Variants in STXBP5L observed in about 807,000 individuals in gnomAD.
The protein encoded by STXBP5L is syntaxin binding protein 5L.
In STXBP5L, 65 loss-of-function variants were observed where a neutral mutation model predicts 144.5. That is an observed-to-expected ratio of 0.45 (90% CI 0.37 to 0.55). STXBP5L has a LOEUF of 0.55. STXBP5L is among the 20% of genes least tolerant of loss of function. The pLI, the probability that STXBP5L is intolerant of heterozygous loss-of-function variation, is 0.00. For missense variants in STXBP5L, 1,298 were observed against 1,405.5 expected (o/e 0.92, Z 1.22); for synonymous variants, 505 against 469.6 (o/e 1.08, Z -0.97).
At position 121,259,050 on chromosome 3, in the gene STXBP5L, A is replaced by G. The variant is rs776597486; in HGVS notation, c.1840A>G (p.Thr614Ala). 4.4e-6 allele frequency: 7 copies of G among 1,597,276 alleles called. No individual in the cohort carries two copies. The highest frequency in any genetic ancestry group is 6.0e-6 in the Non-Finnish European group (7 of 1,170,550). ...TTGTTTTTGTTCTTAAAGTGTGAAGACACGGCCAGTGCGAATGCCTCCAGG... is the reference window on the plus strand; with the variant it reads ...TTGTTTTTGTTCTTAAAGTGTGAAGGCACGGCCAGTGCGAATGCCTCCAGG... ...KDSIPCLNVK[T>A]RPVRMPPGYQ... Residue 614 changes from threonine (T) to alanine (A), a missense_variant, in exon 18 of 27, where the codon ACA becomes GCA. Coordinates refer to ENST00000471454, the MANE Select transcript of STXBP5L (RefSeq NM_001308330.2).
chr3:121,191,135 G>A (rs2047660450), intron 9 of STXBP5L, among the ~76,000 whole-genome samples: 1 of 152,182 alleles, frequency 6.6e-6, no homozygotes, highest in Admixed American at 6.5e-5. Flanking sequence ...TTCTAGACAG[G>A]GTGGCGGCCG....
At chr3:121,210,623 G>A (rs1224542343) in intron 10 of STXBP5L, among the ~76,000 whole-genome samples, 1 of 152,118 alleles carries the variant, frequency 6.6e-6, no homozygotes, top group Non-Finnish European at 1.5e-5. Context: ...TGTGAGTAAG[G>A]GATCCAGTTT....
At chr3:120,975,103 G>A (rs1940795415) in intron 3 of STXBP5L, among the ~76,000 whole-genome samples, 1 of 152,148 alleles carries the variant, frequency 6.6e-6, no homozygotes, top group Non-Finnish European at 1.5e-5. Flanking sequence ...GTTTGATGGG[G>A]ATGGCATTGA....
At chr3:121,286,165 T>A (rs73855361) in intron 19 of STXBP5L, among the ~76,000 whole-genome samples, 2,911 of 152,110 alleles carry the variant, frequency 0.019, 100 homozygotes, top group African/African-American at 0.067. Flanking sequence ...CTTTGGAGAG[T>A]CCCAGGCCTA....
chr3:120,984,028 C>G (rs1325233485), intron 3 of STXBP5L, among the ~76,000 whole-genome samples: 1 of 152,148 alleles, frequency 6.6e-6, no homozygotes, highest in South Asian at 2.1e-4. Flanking sequence ...TTGCTGTGAT[C>G]AGCATCCTGC....
intron 2 of STXBP5L, among the ~76,000 whole-genome samples, chr3:120,954,445 T>A (rs191407580): frequency 1.3e-5 from 2 of 152,260 alleles, no homozygotes; most frequent in Admixed American, 1.3e-4. Flanking sequence ...TAGCATAGTT[T>A]TTTTTGAGAA....
rs184941914 is a variant in STXBP5L, at chr3:121,033,627, A to G, written c.288-8073A>G. Among the ~76,000 whole-genome samples, 127 of 151,536 alleles carry G rather than the reference A, an allele frequency of 8.4e-4. 1 individual carries two copies. The highest frequency in any genetic ancestry group is 1.5e-3 in the Non-Finnish European group (102 of 67,850). On this transcript the variant is annotated intron_variant, in intron 3 of 26. Transcript: ENST00000471454. Reference sequence around the variant, plus strand: ...AAATAAATAAATTCGTGTGTTTTTTATGGTATATTTACCCACTTGGTGTTA... The same window carrying G: ...AAATAAATAAATTCGTGTGTTTTTTGTGGTATATTTACCCACTTGGTGTTA...
rs2046162681 is a variant in STXBP5L at position 121,157,533 on chromosome 3, G to A, written c.783G>A (p.Glu261=). Residue 261 remains glutamate, a synonymous_variant, in exon 9 of 27, where the codon GAG becomes GAA. Transcript: ENST00000471454. The part of the protein sequence containing the change: ...EAIHSIDWHH[E]GKQFMCSHSD... ...TTCATTCAATTGATTGGCATCATGAGGGCAAACAGTTCATGTGCAGCCATT... is the reference window on the plus strand; with the variant it reads ...TTCATTCAATTGATTGGCATCATGAAGGCAAACAGTTCATGTGCAGCCATT... The A allele has an allele frequency of 6.3e-7, 1 of 1,590,898 alleles. No individual in the cohort carries two copies. Among genetic ancestry groups the A allele is most frequent in the South Asian group, 1.2e-5 (1 of 86,592 alleles).
chr3:121,262,218 G>T (rs577112747), intron 18 of STXBP5L, among the ~76,000 whole-genome samples: 1 of 152,278 alleles, frequency 6.6e-6, no homozygotes, highest in Non-Finnish European at 1.5e-5. Flanking sequence ...TTGTGACCTT[G>T]CTTCCCAAAA....
chr3:121,100,114 C>G lies in STXBP5L; in HGVS notation c.471-14811C>G, dbSNP rs115924513. Among the ~76,000 whole-genome samples the G allele has an allele frequency of 7.9e-3, 1,204 of 152,212 alleles. 20 individuals carry two copies. Among genetic ancestry groups the G allele is most frequent in the African/African-American group, 0.027 (1,125 of 41,512 alleles). ...GATTTATAAAACAAGTACCCCTAGA[C>G]CTATAAAAAGACTTAGACAGCTACA... is the stretch of plus-strand genomic sequence containing the variant. On this transcript the variant is annotated intron_variant, in intron 5 of 26. Coordinates refer to ENST00000471454, the MANE Select transcript of STXBP5L (RefSeq NM_001308330.2).
At chr3:121,287,381 GT>G (rs1358455787) in intron 19 of STXBP5L, among the ~76,000 whole-genome samples, 1 of 152,136 alleles carries the variant, frequency 6.6e-6, no homozygotes, top group Non-Finnish European at 1.5e-5. Flanking sequence ...AAAAATGTGA[GT>G]TTAACAATGT....
chr3:121,011,500 A>T (rs572405900), intron 3 of STXBP5L, among the ~76,000 whole-genome samples: 1 of 151,804 alleles, frequency 6.6e-6, no homozygotes, highest in African/African-American at 2.4e-5. Context: ...CTAGTGCGCC[A>T]CTATCAGTTC....
At chr3:121,213,926 T>G (rs567858510) in intron 10 of STXBP5L, among the ~76,000 whole-genome samples, 1 of 152,298 alleles carries the variant, frequency 6.6e-6, no homozygotes, top group African/African-American at 2.4e-5. Context: ...TTTCCTGGGT[T>G]AGTCTTGGGA....
chr3:121,071,006 A>C (rs2041787163), intron 5 of STXBP5L, among the ~76,000 whole-genome samples: 1 of 152,230 alleles, frequency 6.6e-6, no homozygotes, highest in Non-Finnish European at 1.5e-5. Flanking sequence ...TTATAGACAC[A>C]AGTTCCTGTA....
At chr3:120,945,637 T>C (rs1614611) in intron 2 of STXBP5L, among the ~76,000 whole-genome samples, 78,022 of 151,482 alleles carry the variant, frequency 0.52, 20,533 homozygotes, top group Admixed American at 0.6. Context: ...TGCCAAGCCA[T>C]GTATGCATCT....
At chr3:120,943,564 T>G (rs1420986682) in intron 2 of STXBP5L, among the ~76,000 whole-genome samples, 1 of 151,790 alleles carries the variant, frequency 6.6e-6, no homozygotes, top group Non-Finnish European at 1.5e-5. Context: ...GGTTTATCAT[T>G]GTTTGAATAT....
chr3:121,329,706 C>T (rs575893771), intron 20 of STXBP5L, among the ~76,000 whole-genome samples: 17 of 151,946 alleles, frequency 1.1e-4, no homozygotes, highest in Non-Finnish European at 2.2e-4. Flanking sequence ...ACTAAAAACA[C>T]AAAAATTAGC....
chr3:121,199,111 A>G (rs1334142502), intron 9 of STXBP5L, among the ~76,000 whole-genome samples: 1 of 152,174 alleles, frequency 6.6e-6, no homozygotes, highest in Non-Finnish European at 1.5e-5. Flanking sequence ...CTTCCTATCC[A>G]TGAGCATACA....
intron 19 of STXBP5L, among the ~76,000 whole-genome samples, chr3:121,305,283 AAAG>A (rs2043299401): frequency 6.6e-6 from 1 of 152,188 alleles, no homozygotes; most frequent in Non-Finnish European, 1.5e-5. Context: ...CCAGGAAATA[AAAG>A]AAGAAGGAAA....
Sources: gnomAD v4.1 joint callset for allele counts (sites outside exome capture counted in the v4.1 genomes callset) on GRCh38, gnomAD v4.1.1 for gene constraint, MANE v1.5 for transcripts, NCBI Gene and HGNC (gene_info 2026-07-23, HGNC 2026-07-21) for gene names.